CNR2: variants seen among roughly 807,000 people sequenced by gnomAD.
The protein encoded by CNR2 is cannabinoid receptor 2 (macrophage).
For missense variants in CNR2, 379 were observed against 439.9 expected (o/e 0.86, Z 1.24); for synonymous variants, 172 against 182.2 (o/e 0.94, Z 0.45).
chr1:23,904,918 C>T (rs916467327), intron 1 of CNR2, among the ~76,000 whole-genome samples: 34 of 152,276 alleles, frequency 2.2e-4, no homozygotes, highest in African/African-American at 7.9e-4. Flanking sequence ...CTACCTCTTC[C>T]TGGTTTGGCC....
At chr1:23,912,421 C>G (rs753874719) in intron 1 of CNR2, among the ~76,000 whole-genome samples, 5 of 152,218 alleles carry the variant, frequency 3.3e-5, no homozygotes, top group Non-Finnish European at 7.3e-5. Flanking sequence ...TTCCTGGCCC[C>G]CATCTACTGT....
At position 23,902,205 on chromosome 1, in the gene CNR2, C is replaced by T; in HGVS notation, c.-46+11041G>A. On this transcript the variant is annotated intron_variant, in intron 1 of 1. Coordinates refer to ENST00000374472, the MANE Select transcript of CNR2 (RefSeq NM_001841.3). ...GGACGGCCTTGAAGACCACCGCCTCCTGGTGTTGAGGGCCTCCCGAGTGAC... is the reference window on the plus strand; with the variant it reads ...GGACGGCCTTGAAGACCACCGCCTCTTGGTGTTGAGGGCCTCCCGAGTGAC... 3.0e-6 allele frequency: 4 copies of T among 1,322,932 alleles called. No homozygotes were observed. The South Asian group carries it at 3.7e-5, about 12-fold the overall frequency. The allele number at this position is 1,322,932 out of a possible 1,614,324, so 81.9% of individuals were successfully genotyped here.
chr1:23,875,328 A>T lies in CNR2; in HGVS notation c.290T>A (p.Phe97Tyr). 1 of 1,614,202 alleles carries T rather than the reference A, an allele frequency of 6.2e-7. No individual in the cohort carries two copies. Among genetic ancestry groups the T allele is most frequent in the Non-Finnish European group, 8.5e-7 (1 of 1,180,038 alleles). Residue 97 changes from phenylalanine to tyrosine, a missense_variant, in exon 2 of 2, where the codon TTC (phenylalanine) becomes TAC (tyrosine). Physicochemically the swap from Phe to Tyr is conservative, Grantham distance 22 (BLOSUM62 3). Coordinates refer to ENST00000374472, the MANE Select transcript of CNR2 (RefSeq NM_001841.3). ...GACAGCCTTGGAATCCACACCATGGAAAACATGGAAATTCACAAAGCTGCA... is the reference window on the plus strand; with the variant it reads ...GACAGCCTTGGAATCCACACCATGGTAAACATGGAAATTCACAAAGCTGCA... ...FACSFVNFHV[F>Y]HGVDSKAVFL...
At chr1:23,886,677 C>A (rs1640096116) in intron 1 of CNR2, among the ~76,000 whole-genome samples, 1 of 152,128 alleles carries the variant, frequency 6.6e-6, no homozygotes, top group African/African-American at 2.4e-5. Flanking sequence ...CCTCTAGGAA[C>A]AGATTGAAAA....
At chr1:23,884,263 A>G (rs545784962) in intron 1 of CNR2, among the ~76,000 whole-genome samples, 1 of 149,672 alleles carries the variant, frequency 6.7e-6, no homozygotes, top group Admixed American at 6.7e-5. Context: ...TATTTTTAGT[A>G]GAGACGGGGT....
At chr1:23,897,812 TTGTC>T (rs1430916224) in intron 1 of CNR2, among the ~76,000 whole-genome samples, 2 of 152,094 alleles carry the variant, frequency 1.3e-5, no homozygotes, top group Non-Finnish European at 1.5e-5. Context: ...ATCTCTTTAA[TTGTC>T]TGGTTTATGA....
At chr1:23,905,715 C>T (rs1401544761) in intron 1 of CNR2, among the ~76,000 whole-genome samples, 1 of 152,058 alleles carries the variant, frequency 6.6e-6, no homozygotes, top group Non-Finnish European at 1.5e-5. Context: ...CATGAGGACT[C>T]AGGCCACGGA....
chr1:23,910,778 G>A (rs1557537282), intron 1 of CNR2, among the ~76,000 whole-genome samples: 1 of 151,822 alleles, frequency 6.6e-6, no homozygotes, highest in Non-Finnish European at 1.5e-5. Flanking sequence ...CATTTTTAGA[G>A]TTGAAGAAAC....
rs776987819 is a variant in CNR2, at chr1:23,875,594, C to T, written c.24G>A (p.Glu8=). The change falls in exon 2 of 2, where the codon GAG becomes GAA. Residue 8 remains glutamate (E), a synonymous_variant. Transcript: ENST00000374472. The part of the protein sequence containing the change: MEECWVT[E]IANGSKDGLD... ...AGCCATCCTTGGAGCCATTGGCTATCTCTGTCACCCAGCATTCCTCCATGG... is the reference window on the plus strand; with the variant it reads ...AGCCATCCTTGGAGCCATTGGCTATTTCTGTCACCCAGCATTCCTCCATGG... 6.2e-7 allele frequency: 1 copy of T among 1,606,448 alleles called. No homozygotes were observed. Among genetic ancestry groups the T allele is most frequent in the Admixed American group, 1.7e-5 (1 of 59,758 alleles).
chr1:23,877,019 C>T (rs1181314555), intron 1 of CNR2, among the ~76,000 whole-genome samples: 2 of 151,820 alleles, frequency 1.3e-5, no homozygotes, highest in South Asian at 2.1e-4. Flanking sequence ...ATAGGAATAC[C>T]ACATATAAAG....
chr1:23,905,011 AT>A (rs1640465013), intron 1 of CNR2, among the ~76,000 whole-genome samples: 1 of 152,064 alleles, frequency 6.6e-6, no homozygotes, highest in Admixed American at 6.5e-5. Flanking sequence ...TGAGGTTGCA[AT>A]TCAGGCTGGT....
At chr1:23,906,438 G>GAA (rs1640486297) in intron 1 of CNR2, among the ~76,000 whole-genome samples, 2 of 151,384 alleles carry the variant, frequency 1.3e-5, no homozygotes, top group Admixed American at 1.3e-4. Flanking sequence ...TATGGCCCAT[G>GAA]AAAAAGGAAG....
intron 1 of CNR2, chr1:23,902,616 A>G (rs6677264): frequency 1 from 1,597,207 of 1,601,930 alleles, 796,339 homozygotes; most frequent in East Asian, 1. Flanking sequence ...GGAGCTGCAG[A>G]CAGCCAGGAC....
intron 1 of CNR2, among the ~76,000 whole-genome samples, chr1:23,904,178 GTTTTTTT>G (rs941406053): frequency 7.5e-6 from 1 of 132,562 alleles, no homozygotes; most frequent in African/African-American, 2.7e-5. Context: ...TCGTTTCATT[GTTTTTTT>G]TTTTTTTTTT....
intron 1 of CNR2, among the ~76,000 whole-genome samples, chr1:23,883,857 CAAAA>C (rs1386594954): frequency 6.8e-6 from 1 of 148,118 alleles, no homozygotes; most frequent in Admixed American, 6.9e-5. Flanking sequence ...AAAACAAAAA[CAAAA>C]AAACCCCCCA....
chr1:23,892,977 T>A (rs547154517), intron 1 of CNR2, among the ~76,000 whole-genome samples: 1 of 152,172 alleles, frequency 6.6e-6, no homozygotes, highest in South Asian at 2.1e-4. Flanking sequence ...GATCGCACCA[T>A]TGCACTTCAG....
intron 1 of CNR2, among the ~76,000 whole-genome samples, chr1:23,879,490 G>C (rs1184067985): frequency 6.6e-6 from 1 of 152,148 alleles, no homozygotes; most frequent in East Asian, 1.9e-4. Context: ...ACATATGCCT[G>C]TATTCCCATT....
rs1403111300 is a variant in CNR2, at chr1:23,911,622, A to G, written c.-46+1624T>C. On this transcript the variant is annotated intron_variant, in intron 1 of 1. Coordinates refer to ENST00000374472, the MANE Select transcript of CNR2 (RefSeq NM_001841.3). ...ACTTCAACTGAATAAAGAAAAGATC[A>G]ATTTATGCACACCCGAGGGTGTGCA... Among the ~76,000 whole-genome samples the G allele has an allele frequency of 2.0e-5, 3 of 152,044 alleles. No individual in the cohort carries two copies. The East Asian group carries it at 5.8e-4, about 29-fold the overall frequency.
chr1:23,879,204 G>T (rs1388479971), intron 1 of CNR2, among the ~76,000 whole-genome samples: 1 of 152,154 alleles, frequency 6.6e-6, no homozygotes, highest in African/African-American at 2.4e-5. Flanking sequence ...TGAGGCAGGA[G>T]AATTGCTTGA....
Sources: allele counts gnomAD v4.1 joint callset (sites outside exome capture counted in the v4.1 genomes callset), GRCh38; gene constraint gnomAD v4.1.1; transcripts MANE v1.5; gene names NCBI Gene and HGNC (gene_info 2026-07-23, HGNC 2026-07-21).